The following YAF2 variants were observed in gnomAD, a reference collection of about 807,000 sequenced individuals.
The protein encoded by YAF2 is YY1 associated factor 2.
In YAF2, 7 loss-of-function variants were observed where a neutral mutation model predicts 20.1. The observed-to-expected ratio is 0.35, with a 90% CI of 0.20 to 0.65. The LOEUF (loss-of-function observed/expected upper bound fraction) is 0.65, where lower values mean the gene tolerates loss of function less well. YAF2 is among the 30% of genes least tolerant of loss of function. The probability of loss-of-function intolerance (pLI) is 0.69; values close to 1 mark genes in which losing one functional copy is unlikely to be tolerated. For missense variants in YAF2, 151 were observed against 219.2 expected (o/e 0.69, Z 1.96); for synonymous variants, 74 against 76.0 (o/e 0.97, Z 0.14).
At chr12:42,192,817 T>C (rs2066649155) in intron 2 of YAF2, among the ~76,000 whole-genome samples, 1 of 152,198 alleles carries the variant, frequency 6.6e-6, no homozygotes, top group African/African-American at 2.4e-5. Flanking sequence ...TTTGCAAAGT[T>C]ACTTTTAAGC....
intron 2 of YAF2, chr12:42,212,441 C>A: frequency 2.3e-6 from 1 of 444,004 alleles, no homozygotes; most frequent in Admixed American, 2.5e-5. Flanking sequence ...TCTAAATAAT[C>A]ACCTCCTTCC....
intron 2 of YAF2, among the ~76,000 whole-genome samples, chr12:42,202,129 C>A (rs1463295969): frequency 6.6e-6 from 1 of 151,964 alleles, no homozygotes; most frequent in Non-Finnish European, 1.5e-5. Context: ...AAAACCAATT[C>A]GACAGTCTAC....
intron 2 of YAF2, chr12:42,199,124 G>C (rs778979538): frequency 1.9e-4 from 240 of 1,268,058 alleles, no homozygotes; most frequent in Non-Finnish European, 2.4e-4. Flanking sequence ...GTGAAAAACA[G>C]TGACAGCTTA....
At chr12:42,189,017 T>C (rs2066544253) in intron 2 of YAF2, among the ~76,000 whole-genome samples, 1 of 152,082 alleles carries the variant, frequency 6.6e-6, no homozygotes, top group Non-Finnish European at 1.5e-5. Flanking sequence ...ACTGGGAGAA[T>C]CAGAGTGGAA....
chr12:42,235,801 C>T (rs2068133021), intron 2 of YAF2: 1 of 1,535,980 alleles, frequency 6.5e-7, no homozygotes, highest in Non-Finnish European at 8.7e-7. Context: ...GGGCCTCAAG[C>T]CTCTTTTAAA....
rs571330345 is a variant in YAF2, at chr12:42,175,591, G to A, written c.153-13826C>T. Among the ~76,000 whole-genome samples the A allele has an allele frequency of 1.1e-4, 17 of 148,312 alleles. No homozygotes were observed. In the East Asian group the frequency reaches 2.9e-3, roughly 26 times the overall value. On this transcript the variant is annotated intron_variant, in intron 2 of 3. Coordinates refer to ENST00000534854, the MANE Select transcript of YAF2 (RefSeq NM_005748.6). ...ACCTAACTACTAATCAAATTAAAAC[G>A]GGAGGCCAGGCACGGTGGCTCACGC... is the stretch of plus-strand genomic sequence containing the variant.
chr12:42,165,443 T>C (rs1336595878), intron 2 of YAF2, among the ~76,000 whole-genome samples: 1 of 151,900 alleles, frequency 6.6e-6, no homozygotes, highest in African/African-American at 2.4e-5. Flanking sequence ...ACACCTCGAA[T>C]GGCCAAAAGG....
intron 2 of YAF2, among the ~76,000 whole-genome samples, chr12:42,184,642 T>G (rs1419300789): frequency 6.6e-6 from 1 of 152,302 alleles, no homozygotes; most frequent in East Asian, 1.9e-4. Context: ...ATACATTTCA[T>G]AAGGCTATAG....
intron 2 of YAF2, among the ~76,000 whole-genome samples, chr12:42,198,512 A>G (rs1814290549): frequency 6.6e-6 from 1 of 152,190 alleles, no homozygotes; most frequent in South Asian, 2.1e-4. Flanking sequence ...CTTGAGCCCA[A>G]GAAGCGCAGG....
At chr12:42,195,451 T>G (rs1454766999) in intron 2 of YAF2, among the ~76,000 whole-genome samples, 1 of 152,074 alleles carries the variant, frequency 6.6e-6, no homozygotes, top group Non-Finnish European at 1.5e-5. Context: ...AAGGAAAAGG[T>G]AAGTAGATAC....
chr12:42,210,765 A>G, intron 2 of YAF2: 1 of 1,263,260 alleles, frequency 7.9e-7, no homozygotes, highest in Non-Finnish European at 1.1e-6. Flanking sequence ...TTCACTAGAT[A>G]ACTATATATA....
intron 1 of YAF2, 150 bp from the exon 2 acceptor site, chr12:42,237,874 G>C (rs891217936): frequency 5.7e-5 from 40 of 707,428 alleles, no homozygotes; most frequent in Middle Eastern, 6.8e-4. Context: ...CTCCGGCTGA[G>C]GGGGAAGGGA....
At position 42,180,253 on chromosome 12, in the gene YAF2, A is replaced by T. The variant is rs563234910; in HGVS notation, c.153-18488T>A. ...TGTCATTTCCAAAATTAGCTTACTA[A>T]AACACTCTAGCTTCTACCCTCACTC... On this transcript the variant is annotated intron_variant, in intron 2 of 3. Transcript: ENST00000534854. Among the ~76,000 whole-genome samples, 37 of 152,306 alleles carry T rather than the reference A, an allele frequency of 2.4e-4. No homozygotes were observed. In the South Asian group the frequency reaches 7.7e-3, roughly 32 times the overall value.
chr12:42,177,804 T>A (rs188668356), intron 2 of YAF2, among the ~76,000 whole-genome samples: 1 of 152,318 alleles, frequency 6.6e-6, no homozygotes, highest in East Asian at 1.9e-4. Context: ...CTTTTTTTAC[T>A]GTATATGAAT....
chr12:42,230,974 C>T (rs1244809281), intron 2 of YAF2, among the ~76,000 whole-genome samples: 1 of 151,926 alleles, frequency 6.6e-6, no homozygotes, highest in African/African-American at 2.4e-5. Flanking sequence ...AGGCCTCACA[C>T]TATAAAGGAA....
rs921634535 is a variant in YAF2 at position 42,157,886 on chromosome 12, C to G, written c.*2703G>C. On this transcript the variant is annotated 3_prime_UTR_variant, in exon 4 of 4. Coordinates refer to ENST00000534854, the MANE Select transcript of YAF2 (RefSeq NM_005748.6). ...TATCTGCCTGCTTCAGCCCAAAGTG[C>G]TGGGATTACTGGCATGAGCCATCAC... The G allele has an allele frequency of 5.3e-5, 8 of 152,172 alleles. No individual in the cohort carries two copies. The highest frequency in any genetic ancestry group is 3.4e-3 in the Middle Eastern group (1 of 294). 9.4% of individuals were successfully genotyped at this position (152,172 alleles called of 1,614,324 possible). A position where few individuals can be genotyped will look rare whatever the true frequency, so the allele number is the denominator to read the frequency against.
intron 2 of YAF2, among the ~76,000 whole-genome samples, chr12:42,226,108 T>G (rs905350362): frequency 2.0e-5 from 3 of 152,204 alleles, no homozygotes; most frequent in East Asian, 1.9e-4. Flanking sequence ...TTGTAAGTTG[T>G]ATTCCTAGGT....
chr12:42,161,593 A>G lies in YAF2; in HGVS notation c.305+20T>C, dbSNP rs1243572846. On this transcript the variant is annotated intron_variant, in intron 3 of 3. Transcript: ENST00000534854. ...GGTTTTATTATTTCAAAAATGTCAT[A>G]AAACACTCTTCACATTTACCTGGTT... The G allele has an allele frequency of 6.4e-7, 1 of 1,562,194 alleles. No homozygotes were observed. The highest frequency in any genetic ancestry group is 1.2e-5 in the South Asian group (1 of 83,006).
At chr12:42,207,180 G>A (rs896404172) in intron 2 of YAF2, among the ~76,000 whole-genome samples, 3 of 152,184 alleles carry the variant, frequency 2.0e-5, no homozygotes, top group Non-Finnish European at 2.9e-5. Flanking sequence ...AAGACATGCA[G>A]CAGTAGATTC....
Sources: allele counts gnomAD v4.1 joint callset (sites outside exome capture counted in the v4.1 genomes callset), GRCh38; gene constraint gnomAD v4.1.1; transcripts MANE v1.5; gene names NCBI Gene and HGNC (gene_info 2026-07-23, HGNC 2026-07-21).